Variants in BAZ2B observed in about 807,000 individuals in gnomAD.
BAZ2B encodes the protein bromodomain adjacent to zinc finger domain 2B.
A neutral mutation model predicts 246.0 loss-of-function variants in BAZ2B; 91 were observed. The ratio of observed to expected loss-of-function variants is 0.37; its 90% CI spans 0.31 to 0.44. BAZ2B has a LOEUF of 0.44. Among genes scored for constraint, BAZ2B ranks in the 20% least tolerant of loss-of-function variants. BAZ2B has a pLI of 1.00. For missense variants in BAZ2B, 2,332 were observed against 2,533.7 expected (o/e 0.92, Z 1.71); for synonymous variants, 855 against 860.0 (o/e 0.99, Z 0.10).
Position 159,350,255 on chromosome 2 carries a change from G to A in BAZ2B, c.4316C>T (p.Ser1439Leu). The A allele has an allele frequency of 6.2e-7, 1 of 1,612,556 alleles. No homozygotes were observed. Residue 1439 changes from serine to leucine, a missense_variant, in exon 28 of 37, where the codon TCA becomes TTA. Transcript: ENST00000392783. Reference sequence around the variant, plus strand: ...CTTTTGTTCACAGTGATCTGTATTTGAACAATTTAAACTGTCCCCAGAAGT... The same window carrying A: ...CTTTTGTTCACAGTGATCTGTATTTAAACAATTTAAACTGTCCCCAGAAGT... ...FETSGDSLNC[S>L]NTDHCEQKED...
In BAZ2B at chr2:159,389,448, T is replaced by C. The variant is rs2063060994; in HGVS notation, c.3113A>G (p.Lys1038Arg). The change falls in exon 21 of 37, where the codon AAA becomes AGA. Residue 1038 changes from lysine to arginine, a missense_variant. By Grantham distance (26) the Lys-to-Arg change is conservative (BLOSUM62 2). Coordinates refer to ENST00000392783, the MANE Select transcript of BAZ2B (RefSeq NM_013450.4). ...ERLKQEKRDE[K>R]RLNKERKLEQ... ...TAGTTTACGCTCTTTATTTAATCTTTTCTCATCACGTTTTTCTTGTTTCAA... is the reference window on the plus strand; with the variant it reads ...TAGTTTACGCTCTTTATTTAATCTTCTCTCATCACGTTTTTCTTGTTTCAA... 2 of 1,609,496 alleles carry C rather than the reference T, an allele frequency of 1.2e-6. No individual in the cohort carries two copies. The highest frequency in any genetic ancestry group is 4.5e-5 in the East Asian group (2 of 44,756).
chr2:159,569,597 A>T (rs1011005148), intron 1 of BAZ2B, among the ~76,000 whole-genome samples: 2 of 152,230 alleles, frequency 1.3e-5, no homozygotes, highest in Non-Finnish European at 2.9e-5. Context: ...TTTAAACTTT[A>T]AAAATGTACT....
chr2:159,686,042 G>T, the BAZ2B span, among the ~76,000 whole-genome samples: 2 of 152,192 alleles, frequency 1.3e-5, no homozygotes, highest in East Asian at 1.9e-4. Context: ...CAGGAGGATC[G>T]CTGAAGGCCA....
At chr2:159,646,448 C>T in the BAZ2B span, among the ~76,000 whole-genome samples, 1 of 152,066 alleles carries the variant, frequency 6.6e-6, no homozygotes, top group Non-Finnish European at 1.5e-5. Flanking sequence ...AGGCAATATA[C>T]ATCCTTCTCA....
the BAZ2B span, among the ~76,000 whole-genome samples, chr2:159,650,230 C>CAAAAAAAACCCAG: frequency 2.7e-5 from 4 of 149,198 alleles, no homozygotes; most frequent in African/African-American, 7.4e-5. Context: ...TCCATGCCTG[C>CAAAAAAAACCCAG]TAGTTTTTTT....
At position 159,412,318 on chromosome 2, in the gene BAZ2B, C is replaced by A. The variant is rs769930463; in HGVS notation, c.2677+17G>T. On this transcript the variant is annotated intron_variant, in intron 14 of 36. Coordinates refer to ENST00000392783, the MANE Select transcript of BAZ2B (RefSeq NM_013450.4). Reference sequence around the variant, plus strand: ...TTTTAGTATGATTATTAGTGTCAGACACATTATGTTTCTTACCTTGAGCTT... The same window carrying A: ...TTTTAGTATGATTATTAGTGTCAGAAACATTATGTTTCTTACCTTGAGCTT... The A allele has an allele frequency of 6.2e-7, 1 of 1,610,010 alleles. No individual in the cohort carries two copies. The highest frequency in any genetic ancestry group is 1.3e-5 in the African/African-American group (1 of 74,838).
Position 159,438,350 on chromosome 2 carries a change from T to C in BAZ2B, c.1246A>G (p.Thr416Ala). 6.2e-7 allele frequency: 1 copy of C among 1,614,016 alleles called. No individual in the cohort carries two copies. Among genetic ancestry groups the C allele is most frequent in the Non-Finnish European group, 8.5e-7 (1 of 1,179,948 alleles). Residue 416 changes from threonine to alanine, a missense_variant, in exon 8 of 37, where the codon ACC becomes GCC. By Grantham distance (58) the Thr-to-Ala change is moderately conservative (BLOSUM62 0). Coordinates refer to ENST00000392783, the MANE Select transcript of BAZ2B (RefSeq NM_013450.4). ...PDVLKAGNKN[T>A]SEESSLLTSE... ...GTCAATAAACTAGATTCTTCAGAGG[T>C]ATTTTTATTCCCTGCTTTAAGAACA...
chr2:159,407,918 C>T (rs958939215), intron 14 of BAZ2B, among the ~76,000 whole-genome samples: 1 of 152,030 alleles, frequency 6.6e-6, no homozygotes, highest in Non-Finnish European at 1.5e-5. Flanking sequence ...TATAATAATG[C>T]CAGATAAATA....
chr2:159,496,656 A>G (rs966135446), intron 2 of BAZ2B, among the ~76,000 whole-genome samples: 1 of 151,046 alleles, frequency 6.6e-6, no homozygotes, highest in Non-Finnish European at 1.5e-5. Flanking sequence ...GTGAGGCATG[A>G]CTGTAATCCC....
At chr2:159,491,866 A>AT (rs1267054470) in intron 2 of BAZ2B, among the ~76,000 whole-genome samples, 1 of 151,990 alleles carries the variant, frequency 6.6e-6, no homozygotes, top group Non-Finnish European at 1.5e-5. Context: ...CCTATTAATA[A>AT]TTAACTATTA....
chr2:159,361,372 A>C (rs2059674974), intron 27 of BAZ2B, among the ~76,000 whole-genome samples: 1 of 152,262 alleles, frequency 6.6e-6, no homozygotes, highest in South Asian at 2.1e-4. Flanking sequence ...ATGGGTCATT[A>C]GAGAAATGCA....
intron 27 of BAZ2B, among the ~76,000 whole-genome samples, chr2:159,372,333 G>A (rs1467948695): frequency 6.6e-6 from 1 of 152,186 alleles, no homozygotes; most frequent in African/African-American, 2.4e-5. Context: ...ACCAACATGA[G>A]TCAATAGCTA....
At chr2:159,677,978 A>G in the BAZ2B span, among the ~76,000 whole-genome samples, 1 of 152,200 alleles carries the variant, frequency 6.6e-6, no homozygotes, top group Non-Finnish European at 1.5e-5. Context: ...AAACAAAATT[A>G]TCTGACAAAA....
chr2:159,327,055 C>T (rs199590504), intron 34 of BAZ2B, among the ~76,000 whole-genome samples: 6 of 142,902 alleles, frequency 4.2e-5, no homozygotes, highest in Non-Finnish European at 9.1e-5. Flanking sequence ...TGGCTGCAAT[C>T]TTTTTTTTTT....
chr2:159,709,717 G>C, the BAZ2B span, among the ~76,000 whole-genome samples: 1 of 152,314 alleles, frequency 6.6e-6, no homozygotes, highest in South Asian at 2.1e-4. Context: ...AGAAGATTAG[G>C]TTGTGGGATG....
intron 1 of BAZ2B, among the ~76,000 whole-genome samples, chr2:159,599,828 C>G (rs1235722982): frequency 6.7e-6 from 1 of 148,196 alleles, no homozygotes; most frequent in Non-Finnish European, 1.5e-5. Flanking sequence ...CCCAGCTACT[C>G]GGGAGGCTGA....
intron 35 of BAZ2B, 78 bp from the exon 36 acceptor site, chr2:159,325,032 T>G (rs571422158): frequency 2.2e-5 from 1 of 46,464 alleles, no homozygotes; most frequent in African/African-American, 1.5e-4. Context: ...CTTTCAGTTA[T>G]TATATATATA....
At chr2:159,454,781 G>A (rs1484375764) in intron 3 of BAZ2B, among the ~76,000 whole-genome samples, 1 of 152,078 alleles carries the variant, frequency 6.6e-6, no homozygotes, top group Admixed American at 6.5e-5. Context: ...GTTCACAAGT[G>A]GTTACCAATA....
intron 1 of BAZ2B, among the ~76,000 whole-genome samples, chr2:159,603,949 A>G (rs1184237282): frequency 2.0e-5 from 3 of 152,256 alleles, no homozygotes; most frequent in African/African-American, 7.2e-5. Context: ...ATTTCAACAT[A>G]AAACAAACTA....
Sources: gnomAD v4.1 joint callset for allele counts (sites outside exome capture counted in the v4.1 genomes callset) on GRCh38, gnomAD v4.1.1 for gene constraint, MANE v1.5 for transcripts, NCBI Gene and HGNC (gene_info 2026-07-23, HGNC 2026-07-21) for gene names.